SPPL2A: variants seen among roughly 807,000 people sequenced by gnomAD.
SPPL2A encodes signal peptide peptidase-like 2A.
Under a neutral mutation model 63.8 loss-of-function variants are expected in SPPL2A, and 51 were observed. The ratio of observed to expected loss-of-function variants is 0.80; its 90% confidence interval spans 0.64 to 1.01. The LOEUF (loss-of-function observed/expected upper bound fraction) is 1.01, where lower values mean the gene tolerates loss of function less well. Ranked by LOEUF, SPPL2A falls within the 50% of genes least tolerant of loss-of-function variation. SPPL2A has a pLI of 0.00. For synonymous variants in SPPL2A, 188 were observed against 205.8 expected (o/e 0.91, Z 0.74); for missense variants, 553 against 622.7 (o/e 0.89, Z 1.19).
chr15:50,765,586 G>C lies in SPPL2A; in HGVS notation c.-53C>G. The C allele has an allele frequency of 7.9e-7, 1 of 1,259,908 alleles. No individual in the cohort carries two copies. The highest frequency in any genetic ancestry group is 1.0e-6 in the Non-Finnish European group (1 of 975,734). The allele number at this position is 1,259,908 out of a possible 1,614,324, so 78.0% of individuals were successfully genotyped here. A position where few individuals can be genotyped will look rare whatever the true frequency, so the allele number is the denominator to read the frequency against. On this transcript the variant is annotated 5_prime_UTR_variant, in exon 1 of 15. Coordinates refer to ENST00000261854, the MANE Select transcript of SPPL2A (RefSeq NM_032802.4). ...CACGGTGCGGCGCAGCTCACTCGGCGGGGTAGGCTCGGAGTCCCGCCGCTG... is the reference window on the plus strand; with the variant it reads ...CACGGTGCGGCGCAGCTCACTCGGCCGGGTAGGCTCGGAGTCCCGCCGCTG...
At chr15:50,764,651 A>T (rs1269831367) in intron 1 of SPPL2A, 2 of 152,212 alleles carry the variant, frequency 1.3e-5, no homozygotes, top group Non-Finnish European at 2.9e-5. Context: ...AAGTCACTAG[A>T]AACAAAAACT....
chr15:50,710,921 C>A (rs1009846154), intron 14 of SPPL2A, among the ~76,000 whole-genome samples: 13 of 152,138 alleles, frequency 8.5e-5, no homozygotes, highest in Admixed American at 7.9e-4. Context: ...TTTAACTCCA[C>A]TTATTTCATT....
chr15:50,756,356 C>CAAAA (rs34922256), intron 1 of SPPL2A, among the ~76,000 whole-genome samples: 2 of 63,388 alleles, frequency 3.2e-5, no homozygotes, highest in Non-Finnish European at 6.0e-5. Context: ...GACTCCGTCT[C>CAAAA]AAAAAAAAAA....
At chr15:50,715,052 G>A (rs1179350875) in intron 14 of SPPL2A, among the ~76,000 whole-genome samples, 2 of 151,206 alleles carry the variant, frequency 1.3e-5, no homozygotes, top group Non-Finnish European at 2.9e-5. Context: ...GAGTGCAGTG[G>A]TACAATCTTG....
chr15:50,751,482 T>A (rs1442829972), intron 1 of SPPL2A, among the ~76,000 whole-genome samples: 1 of 152,254 alleles, frequency 6.6e-6, no homozygotes, highest in Non-Finnish European at 1.5e-5. Flanking sequence ...TTGGAAAGAA[T>A]GCTTCATAAG....
At chr15:50,730,397 G>A (rs1232860898) in intron 10 of SPPL2A, among the ~76,000 whole-genome samples, 1 of 152,054 alleles carries the variant, frequency 6.6e-6, no homozygotes, top group Non-Finnish European at 1.5e-5. Flanking sequence ...GTCCCACACT[G>A]GCCTACAAAC....
chr15:50,764,903 A>AC (rs982617797), intron 1 of SPPL2A, among the ~76,000 whole-genome samples: 8 of 130,964 alleles, frequency 6.1e-5, no homozygotes, highest in African/African-American at 1.2e-4. Flanking sequence ...TGCTATTAAA[A>AC]CCCCCCCTCC....
At chr15:50,734,206 C>T (rs1000165093) in intron 8 of SPPL2A, among the ~76,000 whole-genome samples, 1 of 152,172 alleles carries the variant, frequency 6.6e-6, no homozygotes, top group African/African-American at 2.4e-5. Context: ...ATGTTTATTG[C>T]AGCACTATTC....
intron 2 of SPPL2A, among the ~76,000 whole-genome samples, chr15:50,749,423 G>A (rs1053995240): frequency 3.3e-5 from 5 of 152,016 alleles, no homozygotes; most frequent in Non-Finnish European, 7.4e-5. Flanking sequence ...GAGTAGCTGG[G>A]ACTACAGGCG....
At chr15:50,748,243 A>G in intron 3 of SPPL2A, 41 bp from the exon 4 acceptor site, 2 of 727,714 alleles carry the variant, frequency 2.7e-6, no homozygotes, top group South Asian at 2.2e-5. Context: ...TACTACTAAT[A>G]TATTTATAGA....
At chr15:50,726,003 C>T in intron 11 of SPPL2A, 2 of 1,055,358 alleles carry the variant, frequency 1.9e-6, no homozygotes, top group Non-Finnish European at 2.5e-6. Context: ...TTTTTTTCCC[C>T]CAAAGAAGAG....
In SPPL2A at chr15:50,703,058, T is replaced by C. The variant is rs2062486518; in HGVS notation, c.*4742A>G. The C allele has an allele frequency of 1.3e-5, 2 of 151,848 alleles. No individual in the cohort carries two copies. The highest frequency in any genetic ancestry group is 4.8e-5 in the African/African-American group (2 of 41,384). 9.4% of individuals were successfully genotyped at this position (151,848 alleles called of 1,614,324 possible). A position where few individuals can be genotyped will look rare whatever the true frequency, so the allele number is the denominator to read the frequency against. On this transcript the variant is annotated 3_prime_UTR_variant, in exon 15 of 15. Coordinates refer to ENST00000261854, the MANE Select transcript of SPPL2A (RefSeq NM_032802.4). ...ATAAAGTTATTTATTTTATGTTATA[T>C]ATCTATATTTCTTTGAGATGGCATC... is the stretch of plus-strand genomic sequence containing the variant.
intron 1 of SPPL2A, among the ~76,000 whole-genome samples, chr15:50,762,761 C>A (rs1373263073): frequency 7.0e-6 from 1 of 142,922 alleles, no homozygotes; most frequent in Non-Finnish European, 1.5e-5. Context: ...GAGATGGAGT[C>A]TCGCTCTGTC....
rs1402792084 is a variant in SPPL2A, at chr15:50,737,415, C to T, written c.734-675G>A. 2.6e-5 allele frequency among the ~76,000 whole-genome samples: 4 copies of T among 152,218 alleles called. No individual in the cohort carries two copies. In the East Asian group the frequency reaches 5.8e-4, roughly 22 times the overall value. ...ATAATACAAATATCATTTTAGTACT[C>T]GCTCTCTCAACAACAGTTTAAAATG... On this transcript the variant is annotated intron_variant, in intron 6 of 14. Coordinates refer to ENST00000261854, the MANE Select transcript of SPPL2A (RefSeq NM_032802.4).
rs988179823 is a variant in SPPL2A, at chr15:50,748,761, T to C, written c.287A>G (p.His96Arg). 1 of 1,612,018 alleles carries C rather than the reference T, an allele frequency of 6.2e-7. No homozygotes were observed. The highest frequency in any genetic ancestry group is 1.1e-5 in the South Asian group (1 of 90,866). ...TGCAATTCTGGCTTTTTCAAGAAAA[T>C]GGCAGCTTCCCCATGGAACCACAAC... ...KAVVVPWGSC[H>R]FLEKARIAQK... The change falls in exon 3 of 15, where the codon CAT becomes CGT. Residue 96 changes from histidine (H) to arginine (R), a missense_variant. Coordinates refer to ENST00000261854, the MANE Select transcript of SPPL2A (RefSeq NM_032802.4).
At chr15:50,757,205 C>G (rs562232888) in intron 1 of SPPL2A, among the ~76,000 whole-genome samples, 30 of 151,806 alleles carry the variant, frequency 2.0e-4, no homozygotes, top group African/African-American at 6.5e-4. Flanking sequence ...GCCTCAGCCT[C>G]CCGAGTAGCT....
Position 50,765,556 on chromosome 15 carries a change from G to A in SPPL2A, c.-23C>T. On this transcript the variant is annotated 5_prime_UTR_variant, in exon 1 of 15. Transcript: ENST00000261854. ...CATCGGACTGGTGGGTGCCGGGTGGGACGGCACGGTGCGGCGCAGCTCACT... is the reference window on the plus strand; with the variant it reads ...CATCGGACTGGTGGGTGCCGGGTGGAACGGCACGGTGCGGCGCAGCTCACT... 1 of 1,462,352 alleles carries A rather than the reference G, an allele frequency of 6.8e-7. No individual in the cohort carries two copies. Among genetic ancestry groups the A allele is most frequent in the South Asian group, 1.3e-5 (1 of 76,594 alleles). 90.6% of individuals were successfully genotyped at this position (1,462,352 alleles called of 1,614,324 possible).
intron 5 of SPPL2A, among the ~76,000 whole-genome samples, chr15:50,744,990 CTG>C (rs1175348174): frequency 2.6e-5 from 4 of 152,090 alleles, no homozygotes; most frequent in African/African-American, 7.2e-5. Context: ...ACATTTAAAA[CTG>C]TTGTTGGAGA....
At chr15:50,713,105 T>C (rs890042929) in intron 14 of SPPL2A, among the ~76,000 whole-genome samples, 1 of 152,118 alleles carries the variant, frequency 6.6e-6, no homozygotes, top group Non-Finnish European at 1.5e-5. Flanking sequence ...CAATACACTG[T>C]CTCCCACAAA....
Sources: gnomAD v4.1 joint callset for allele counts (sites outside exome capture counted in the v4.1 genomes callset) on GRCh38, gnomAD v4.1.1 for gene constraint, MANE v1.5 for transcripts, NCBI Gene and HGNC (gene_info 2026-07-23, HGNC 2026-07-21) for gene names.